Variants in ROR2 observed in about 807,000 individuals in gnomAD.
ROR2 encodes tyrosine-protein kinase transmembrane receptor ROR2.
A neutral mutation model predicts 74.9 loss-of-function variants in ROR2; 33 were observed. The ratio of observed to expected loss-of-function variants is 0.44; its 90% CI spans 0.33 to 0.59. ROR2 has a LOEUF of 0.59. ROR2 is among the 20% of genes least tolerant of loss of function. ROR2 has a pLI of 0.02. For synonymous variants in ROR2, 586 were observed against 558.7 expected (o/e 1.05, Z -0.69); for missense variants, 1,216 against 1,313.8 (o/e 0.93, Z 1.15).
At chr9:91,908,475 C>T (rs1012610239) in intron 1 of ROR2, among the ~76,000 whole-genome samples, 5 of 152,166 alleles carry the variant, frequency 3.3e-5, no homozygotes, top group Admixed American at 3.3e-4. Flanking sequence ...AAGTCAAGTG[C>T]TGGCTCTAAG....
chr9:91,767,056 T>A (rs1826079151), intron 2 of ROR2, among the ~76,000 whole-genome samples: 3 of 150,744 alleles, frequency 2.0e-5, no homozygotes. Context: ...TGTCTCACAG[T>A]CAGAGTCAGA....
chr9:91,930,544 T>C (rs1831523645), intron 1 of ROR2, among the ~76,000 whole-genome samples: 1 of 152,198 alleles, frequency 6.6e-6, no homozygotes, highest in Non-Finnish European at 1.5e-5. Flanking sequence ...CAGAAGTAAA[T>C]GTGCCTTGCT....
At chr9:91,745,760 C>T (rs1333449778) in intron 4 of ROR2, among the ~76,000 whole-genome samples, 2 of 152,096 alleles carry the variant, frequency 1.3e-5, no homozygotes, top group Non-Finnish European at 2.9e-5. Context: ...TATCTATTCT[C>T]GAATTATCTT....
intron 1 of ROR2, among the ~76,000 whole-genome samples, chr9:91,807,262 G>A (rs1247754803): frequency 6.6e-6 from 1 of 152,148 alleles, no homozygotes; most frequent in Admixed American, 6.5e-5. Context: ...GACAGGGTTT[G>A]GAGAGCTTCC....
In ROR2 at chr9:91,775,822, G is replaced by A; in HGVS notation, c.98-4C>T. Reference sequence around the variant, plus strand: ...GGATCCAGAACCTCCACTTCACCTGGGAAAAAGAAACCAGGATAGGTATTA... The same window carrying A: ...GGATCCAGAACCTCCACTTCACCTGAGAAAAAGAAACCAGGATAGGTATTA... On this transcript the variant is annotated splice_region_variant and splice_polypyrimidine_tract_variant and intron_variant, in intron 1 of 8. Transcript: ENST00000375708. 4 of 1,613,860 alleles carry A rather than the reference G, an allele frequency of 2.5e-6. No individual in the cohort carries two copies. The highest frequency in any genetic ancestry group is 3.4e-6 in the Non-Finnish European group (4 of 1,179,832).
At position 91,724,767 on chromosome 9, in the gene ROR2, C is replaced by T; in HGVS notation, c.1727G>A (p.Ser576Asn). The T allele has an allele frequency of 6.2e-7, 1 of 1,613,096 alleles. No homozygotes were observed. ...CTTCACCGTGCGGTCATCATCGGTG[C>T]TGCCCACGTCCGAGTGCGGCGAGCG... ...VMRSPHSDVGSTDDDRTVKSA... is the reference protein window; with the variant it reads ...VMRSPHSDVGNTDDDRTVKSA... Residue 576 changes from serine to asparagine, a missense_variant, in exon 9 of 9, where the codon AGC becomes AAC. Transcript: ENST00000375708.
chr9:91,820,590 C>A (rs778381389), intron 1 of ROR2, among the ~76,000 whole-genome samples: 1 of 152,146 alleles, frequency 6.6e-6, no homozygotes, highest in Non-Finnish European at 1.5e-5. Flanking sequence ...TCCACACCCA[C>A]GTGCGCAATG....
intron 7 of ROR2, among the ~76,000 whole-genome samples, chr9:91,729,244 A>T (rs1241756842): frequency 1.3e-5 from 2 of 152,214 alleles, no homozygotes; most frequent in Non-Finnish European, 2.9e-5. Context: ...TTTGCCAGAA[A>T]CAAAACAATA....
At chr9:91,867,011 A>G (rs980636547) in intron 1 of ROR2, among the ~76,000 whole-genome samples, 1 of 152,214 alleles carries the variant, frequency 6.6e-6, no homozygotes, top group Non-Finnish European at 1.5e-5. Context: ...AAATATCTTG[A>G]GGGTTCTGGT....
intron 1 of ROR2, among the ~76,000 whole-genome samples, chr9:91,803,145 C>T (rs988144072): frequency 6.6e-6 from 1 of 152,116 alleles, no homozygotes; most frequent in African/African-American, 2.4e-5. Flanking sequence ...ATTACAAAGA[C>T]GGGGAGGCAA....
At chr9:91,901,365 T>C (rs73519174) in intron 1 of ROR2, among the ~76,000 whole-genome samples, 7,927 of 152,308 alleles carry the variant, frequency 0.052, 270 homozygotes, top group African/African-American at 0.078. Flanking sequence ...GTTTACTAGT[T>C]GCCTCAAGTA....
chr9:91,938,796 C>G (rs1242820781), intron 1 of ROR2, among the ~76,000 whole-genome samples: 6 of 152,338 alleles, frequency 3.9e-5, no homozygotes, highest in African/African-American at 1.4e-4. Flanking sequence ...CCCATATTGA[C>G]TTGCATTTGT....
chr9:91,846,146 A>G (rs907868878), intron 1 of ROR2, among the ~76,000 whole-genome samples: 2 of 152,208 alleles, frequency 1.3e-5, no homozygotes, highest in Non-Finnish European at 2.9e-5. Flanking sequence ...GACCTTGAGA[A>G]GTTAAGCCTG....
intron 4 of ROR2, among the ~76,000 whole-genome samples, chr9:91,745,135 A>G (rs1347019841): frequency 6.6e-6 from 1 of 151,266 alleles, no homozygotes; most frequent in Non-Finnish European, 1.5e-5. Context: ...TTATATATAT[A>G]TATTTTTGAG....
intron 1 of ROR2, among the ~76,000 whole-genome samples, chr9:91,834,048 C>T (rs375282728): frequency 6.6e-6 from 1 of 152,200 alleles, no homozygotes; most frequent in African/African-American, 2.4e-5. Context: ...CTGTAAAGCT[C>T]ATTCCGGCTT....
At chr9:91,861,982 T>C (rs1829481780) in intron 1 of ROR2, among the ~76,000 whole-genome samples, 2 of 152,110 alleles carry the variant, frequency 1.3e-5, no homozygotes, top group African/African-American at 4.8e-5. Flanking sequence ...AGGTTTTAGA[T>C]GAGGCCCTAA....
At chr9:91,935,786 A>C (rs1240373685) in intron 1 of ROR2, among the ~76,000 whole-genome samples, 2 of 152,322 alleles carry the variant, frequency 1.3e-5, no homozygotes, top group South Asian at 2.1e-4. Flanking sequence ...ACAAGTGACA[A>C]GGCTCAGGAC....
chr9:91,926,517 G>T (rs1381822274), intron 1 of ROR2, among the ~76,000 whole-genome samples: 1 of 140,284 alleles, frequency 7.1e-6, no homozygotes, highest in African/African-American at 2.6e-5. Flanking sequence ...CTGCACTCCA[G>T]CCTGGGCGAC....
chr9:91,831,560 A>G (rs1828466413), intron 1 of ROR2, among the ~76,000 whole-genome samples: 1 of 151,980 alleles, frequency 6.6e-6, no homozygotes, highest in Non-Finnish European at 1.5e-5. Context: ...TGGATCACAT[A>G]AGGTCAGGAG....
Sources: gnomAD v4.1 joint callset for allele counts (sites outside exome capture counted in the v4.1 genomes callset) on GRCh38, gnomAD v4.1.1 for gene constraint, MANE v1.5 for transcripts, NCBI Gene and HGNC (gene_info 2026-07-23, HGNC 2026-07-21) for gene names.